Variants in MGAT5B observed in about 807,000 individuals in gnomAD.
MGAT5B encodes alpha-1,6-mannosylglycoprotein 6-beta-N-acetylglucosaminyltransferase B.
Under a neutral mutation model 95.1 loss-of-function variants are expected in MGAT5B, and 54 were observed. The observed-to-expected ratio is 0.57, with a 90% CI of 0.46 to 0.71. MGAT5B has a LOEUF of 0.71. Ranked by LOEUF, MGAT5B falls within the 30% of genes least tolerant of loss-of-function variation. The pLI is 0.00. For missense variants in MGAT5B, 935 were observed against 1,088.6 expected (o/e 0.86, Z 1.99); for synonymous variants, 464 against 451.0 (o/e 1.03, Z -0.36).
Position 76,912,880 on chromosome 17 carries a change from C to T in MGAT5B, c.1025+6693C>T, listed in dbSNP as rs565904300. On this transcript the variant is annotated intron_variant, in intron 8 of 17. Coordinates refer to ENST00000569840, the MANE Select transcript of MGAT5B (RefSeq NM_001199172.2). The surrounding 1 kb of genome is among the most constrained non-coding windows in gnomAD (Gnocchi z 5.0). ...ATCCTGAGACGGCCTCGTGCATGTG[C>T]AGGTCCAGGGTGGGCGTTTTAAAGT... Among the ~76,000 whole-genome samples the T allele has an allele frequency of 3.3e-5, 5 of 152,192 alleles. No individual in the cohort carries two copies. The highest frequency in any genetic ancestry group is 7.3e-5 in the Non-Finnish European group (5 of 68,030).
At position 76,906,557 on chromosome 17, in the gene MGAT5B, T is replaced by G. The variant is rs1305914293; in HGVS notation, c.1025+370T>G. 6.6e-6 allele frequency among the ~76,000 whole-genome samples: 1 copy of G among 152,202 alleles called. No homozygotes were observed. The highest frequency in any genetic ancestry group is 1.9e-4 in the East Asian group (1 of 5,192). On this transcript the variant is annotated intron_variant, in intron 8 of 17. Transcript: ENST00000569840. This position sits in a 1 kb window ranked among gnomAD's most constrained non-coding sequence, Gnocchi z 4.6. Reference sequence around the variant, plus strand: ...CTTGGTTTCTCTTCTGAACCTGGGCTCCTTCTTGGGTCTACTTTAGGGTCT... The same window carrying G: ...CTTGGTTTCTCTTCTGAACCTGGGCGCCTTCTTGGGTCTACTTTAGGGTCT...
intron 3 of MGAT5B, among the ~76,000 whole-genome samples, chr17:76,883,246 C>T (rs537867812): frequency 3.3e-5 from 5 of 152,206 alleles, no homozygotes; most frequent in South Asian, 2.1e-4. Flanking sequence ...GTGATCCAAC[C>T]GTCTCAGCCA....
chr17:76,880,575 C>T (rs1047027479), intron 2 of MGAT5B, among the ~76,000 whole-genome samples: 5 of 152,224 alleles, frequency 3.3e-5, no homozygotes, highest in African/African-American at 1.2e-4. Flanking sequence ...TCAGTGGCCT[C>T]TCTCGTCACC....
At chr17:76,933,136 A>T (rs1345439406) in intron 11 of MGAT5B, among the ~76,000 whole-genome samples, 156 bp from the exon 12 acceptor site, 2 of 152,182 alleles carry the variant, frequency 1.3e-5, no homozygotes, top group Admixed American at 1.3e-4. Flanking sequence ...GTGAGATTAG[A>T]GGCAGAGAGA....
At chr17:76,895,084 C>T (rs187224689) in intron 3 of MGAT5B, among the ~76,000 whole-genome samples, 92 of 152,206 alleles carry the variant, frequency 6.0e-4, no homozygotes, top group East Asian at 6.0e-3. Context: ...CCTCATCGCT[C>T]GCGTTACCAC....
chr17:76,886,714 G>A (rs144092218), intron 3 of MGAT5B, among the ~76,000 whole-genome samples: 302 of 152,310 alleles, frequency 2.0e-3, no homozygotes, highest in Admixed American at 6.0e-3. Context: ...GTGAGGGGCA[G>A]TGGTGGGCTT....
In MGAT5B at chr17:76,949,196, C is replaced by T. The variant is rs533050478; in HGVS notation, c.*358C>T. ...GGCCAGGTGGCGAAAGGGGCCCAGT[C>T]GTTCTTGGGCCCAGGATGGGGCCTC... On this transcript the variant is annotated 3_prime_UTR_variant, in exon 18 of 18. Coordinates refer to ENST00000569840, the MANE Select transcript of MGAT5B (RefSeq NM_001199172.2). The T allele has an allele frequency of 1.3e-4, 33 of 260,136 alleles. No individual in the cohort carries two copies. The East Asian group carries it at 2.8e-3, about 22-fold the overall frequency. 16.1% of individuals were successfully genotyped at this position (260,136 alleles called of 1,614,324 possible).
intron 3 of MGAT5B, among the ~76,000 whole-genome samples, chr17:76,887,816 C>G (rs1379283635): frequency 1.3e-5 from 2 of 152,046 alleles, no homozygotes; most frequent in East Asian, 3.9e-4. Context: ...CTTGGCCTCC[C>G]AAAGTGCTGG....
At chr17:76,924,922 G>A in intron 8 of MGAT5B, 44 bp from the exon 9 acceptor site, 3 of 1,609,208 alleles carry the variant, frequency 1.9e-6, no homozygotes, top group Non-Finnish European at 2.5e-6. Context: ...CGGTTGGGCA[G>A]GTGGGTTTCT....
intron 6 of MGAT5B, among the ~76,000 whole-genome samples, 154 bp downstream of exon 6, chr17:76,904,576 G>A (rs903365816): frequency 2.0e-5 from 3 of 152,216 alleles, no homozygotes; most frequent in Admixed American, 6.5e-5. Context: ...CAGACGGGAG[G>A]CCAGCCTGCC....
intron 3 of MGAT5B, among the ~76,000 whole-genome samples, chr17:76,893,968 A>T (rs1967977490): frequency 6.6e-6 from 1 of 152,146 alleles, no homozygotes; most frequent in Non-Finnish European, 1.5e-5. Flanking sequence ...CCCGGGGTGT[A>T]AGAGGTGGAA....
Position 76,949,444 on chromosome 17 carries a change from C to G in MGAT5B, c.*606C>G, listed in dbSNP as rs999552584. ...GCAGGGGGCTGGGAGAAGGCTAAGC[C>G]GAGGGGTCCTGTTTGTGCCTCCCCT... On this transcript the variant is annotated 3_prime_UTR_variant, in exon 18 of 18. Coordinates refer to ENST00000569840, the MANE Select transcript of MGAT5B (RefSeq NM_001199172.2). 6.5e-6 allele frequency: 1 copy of G among 152,736 alleles called. No individual in the cohort carries two copies. The highest frequency in any genetic ancestry group is 1.9e-4 in the East Asian group (1 of 5,176). 9.5% of individuals were successfully genotyped at this position (152,736 alleles called of 1,614,324 possible).
At chr17:76,926,193 G>A (rs961904895) in intron 9 of MGAT5B, among the ~76,000 whole-genome samples, 7 of 152,134 alleles carry the variant, frequency 4.6e-5, no homozygotes, top group Non-Finnish European at 1.0e-4. Context: ...TCAGGCTCCT[G>A]AGAAGAGGGG....
In MGAT5B at chr17:76,898,598, C is replaced by T. The variant is rs186900333; in HGVS notation, c.330-3957C>T. Among the ~76,000 whole-genome samples, 214 of 152,180 alleles carry T rather than the reference C, an allele frequency of 1.4e-3. 2 individuals are homozygous for T. The highest frequency in any genetic ancestry group is 4.6e-3 in the African/African-American group (192 of 41,524). ...GATTACAGGCGTGAGCCACTGTGCCCGGCCCATAATCTTTTTTATTTGGCT... is the reference window on the plus strand; with the variant it reads ...GATTACAGGCGTGAGCCACTGTGCCTGGCCCATAATCTTTTTTATTTGGCT... On this transcript the variant is annotated intron_variant, in intron 3 of 17. Transcript: ENST00000569840.
intron 15 of MGAT5B, chr17:76,944,062 A>G (rs1969956959): frequency 6.6e-6 from 1 of 152,320 alleles, no homozygotes; most frequent in African/African-American, 2.4e-5. Flanking sequence ...TGATGCCAAC[A>G]CTGGCTTCCG....
intron 3 of MGAT5B, among the ~76,000 whole-genome samples, chr17:76,893,523 A>G (rs1466489557): frequency 6.6e-6 from 1 of 152,230 alleles, no homozygotes; most frequent in African/African-American, 2.4e-5. Flanking sequence ...AAAGAAAGGA[A>G]AATGTACTAT....
intron 1 of MGAT5B, 119 bp from the exon 2 acceptor site, chr17:76,872,732 C>T: frequency 6.3e-7 from 1 of 1,575,842 alleles, no homozygotes; most frequent in Non-Finnish European, 8.6e-7. Context: ...CTTTCATTCT[C>T]CCTTGCTTCC....
At chr17:76,896,708 CT>C (rs1968075173) in intron 3 of MGAT5B, among the ~76,000 whole-genome samples, 1 of 152,154 alleles carries the variant, frequency 6.6e-6, no homozygotes, top group Non-Finnish European at 1.5e-5. Flanking sequence ...AACCCAGGAC[CT>C]CTGACTTCCA....
chr17:76,926,453 A>G, intron 9 of MGAT5B, 144 bp from the exon 10 acceptor site: 2 of 745,060 alleles, frequency 2.7e-6, no homozygotes, highest in Non-Finnish European at 4.3e-6. Context: ...ACAGCAGGGC[A>G]GTGTCCTAGT....
Sources: allele counts gnomAD v4.1 joint callset (sites outside exome capture counted in the v4.1 genomes callset), GRCh38; gene constraint gnomAD v4.1.1; non-coding constraint Gnocchi (gnomAD v3.1); transcripts MANE v1.5; gene names NCBI Gene and HGNC (gene_info 2026-07-23, HGNC 2026-07-21).